Variants in NOS1AP observed in about 807,000 individuals in gnomAD.
NOS1AP encodes carboxyl-terminal PDZ ligand of neuronal nitric oxide synthase protein.
A neutral mutation model predicts 56.2 loss-of-function variants in NOS1AP; 21 were observed. The ratio of observed to expected loss-of-function variants is 0.37; its 90% CI spans 0.26 to 0.54. The LOEUF is 0.54. NOS1AP is among the 20% of genes least tolerant of loss of function. NOS1AP has a pLI of 0.84. For missense variants in NOS1AP, 522 were observed against 657.8 expected, an observed-to-expected ratio of 0.79 and a Z score of 2.26; for synonymous variants, 270 against 274.6, an observed-to-expected ratio of 0.98 and a Z score of 0.17.
chr1:162,295,319 A>T (rs1184555722), intron 3 of NOS1AP, among the ~76,000 whole-genome samples: 3 of 152,052 alleles, frequency 2.0e-5, no homozygotes, highest in Non-Finnish European at 4.4e-5. Flanking sequence ...AGCTACCAAG[A>T]CTCCAAGTCT....
chr1:162,239,127 T>C (rs1653398957), intron 2 of NOS1AP, among the ~76,000 whole-genome samples: 1 of 152,174 alleles, frequency 6.6e-6, no homozygotes, highest in Non-Finnish European at 1.5e-5. Flanking sequence ...CTGTTTTGAG[T>C]AATAGACCAA....
chr1:162,232,544 G>A (rs1192594598), intron 2 of NOS1AP, among the ~76,000 whole-genome samples: 1 of 151,646 alleles, frequency 6.6e-6, no homozygotes, highest in Non-Finnish European at 1.5e-5. Context: ...GTGTGTGTGT[G>A]TGTGTGTGTC....
intron 1 of NOS1AP, among the ~76,000 whole-genome samples, chr1:162,127,400 A>G (rs937636733): frequency 6.6e-6 from 1 of 152,150 alleles, no homozygotes; most frequent in African/African-American, 2.4e-5. Flanking sequence ...CCGTTTTACT[A>G]TTCCATCTGA....
chr1:162,258,585 T>A (rs891998618), intron 2 of NOS1AP, among the ~76,000 whole-genome samples: 2 of 152,208 alleles, frequency 1.3e-5, no homozygotes, highest in Admixed American at 1.3e-4. Flanking sequence ...CAGCTCCAGA[T>A]ATTTCTCTCC....
chr1:162,364,601 T>C (rs1658008765), intron 8 of NOS1AP: 14 of 985,330 alleles, frequency 1.4e-5, no homozygotes, highest in Non-Finnish European at 1.7e-5. Flanking sequence ...TTAAGAAGGT[T>C]GGAAACTGAT....
At chr1:162,190,433 T>G (rs1571113418) in intron 2 of NOS1AP, among the ~76,000 whole-genome samples, 2 of 152,204 alleles carry the variant, frequency 1.3e-5, no homozygotes, top group African/African-American at 4.8e-5. Flanking sequence ...TAGTTACATA[T>G]GTATACATGT....
chr1:162,301,539 G>A (rs1655664074), intron 4 of NOS1AP, among the ~76,000 whole-genome samples: 1 of 152,224 alleles, frequency 6.6e-6, no homozygotes, highest in Admixed American at 6.5e-5. Flanking sequence ...CTTTTACAAG[G>A]AGACTGGTAT....
At chr1:162,214,225 A>T (rs1652467924) in intron 2 of NOS1AP, among the ~76,000 whole-genome samples, 2 of 151,990 alleles carry the variant, frequency 1.3e-5, no homozygotes, top group South Asian at 2.1e-4. Context: ...CCCCTTTAAC[A>T]TTTGTTCCTT....
chr1:162,105,254 A>C (rs1465927490), intron 1 of NOS1AP, among the ~76,000 whole-genome samples: 1 of 152,228 alleles, frequency 6.6e-6, no homozygotes, highest in Non-Finnish European at 1.5e-5. Context: ...TGAAACAGCA[A>C]AGATGGCAGG....
At chr1:162,197,818 G>T (rs1269975508) in intron 2 of NOS1AP, among the ~76,000 whole-genome samples, 1 of 152,246 alleles carries the variant, frequency 6.6e-6, no homozygotes, top group African/African-American at 2.4e-5. Context: ...AGGGTGTGCG[G>T]CAGGGCTACA....
chr1:162,145,260 G>A (rs1396956407), intron 1 of NOS1AP, among the ~76,000 whole-genome samples: 2 of 144,234 alleles, frequency 1.4e-5, no homozygotes, highest in African/African-American at 5.0e-5. Context: ...TGTGAGGGGT[G>A]GGTGGGGGGG....
At chr1:162,154,365 C>T in intron 1 of NOS1AP, 40 bp from the exon 2 acceptor site, 1 of 1,595,046 alleles carries the variant, frequency 6.3e-7, no homozygotes, top group Non-Finnish European at 8.6e-7. Context: ...GGGACACTTG[C>T]TACCCCTCCT....
intron 8 of NOS1AP, 54 bp downstream of exon 8, chr1:162,357,190 C>T: frequency 6.3e-7 from 1 of 1,584,510 alleles, no homozygotes; most frequent in South Asian, 1.1e-5. Flanking sequence ...GGGCTTGATG[C>T]ACCTTCCCTA....
chr1:162,173,332 T>A (rs1446885319), intron 2 of NOS1AP, among the ~76,000 whole-genome samples: 1 of 152,042 alleles, frequency 6.6e-6, no homozygotes, highest in Non-Finnish European at 1.5e-5. Flanking sequence ...GATTCCCTAT[T>A]TAATAAGTGG....
At position 162,251,869 on chromosome 1, in the gene NOS1AP, G is replaced by GTTTTTTTTTT. The variant is rs57313228; in HGVS notation, c.178-35464_178-35455dup. On this transcript the variant is annotated intron_variant, in intron 2 of 9. Transcript: ENST00000361897. ...CACCTAGCTAGTTGTTTTTTTTTTTGTTTTTTTTTTTTTTTTTTTTGTGGA... is the reference window on the plus strand; with the variant it reads ...CACCTAGCTAGTTGTTTTTTTTTTTGTTTTTTTTTTTTTTTTTTTTTTTTTTTTTTGTGGA... Among the ~76,000 whole-genome samples the GTTTTTTTTTT allele has an allele frequency of 5.1e-3, 418 of 82,190 alleles. 2 individuals are homozygous for GTTTTTTTTTT. Among genetic ancestry groups the GTTTTTTTTTT allele is most frequent in the Non-Finnish European group, 6.1e-3 (282 of 46,380 alleles). The allele number at this position is 82,190 out of a possible 152,430, so 53.9% of individuals were successfully genotyped here. A position where few individuals can be genotyped will look rare whatever the true frequency, so the allele number is the denominator to read the frequency against.
intron 4 of NOS1AP, among the ~76,000 whole-genome samples, chr1:162,311,811 C>T (rs1237835216): frequency 2.0e-5 from 3 of 146,502 alleles, no homozygotes; most frequent in Admixed American, 6.9e-5. Context: ...CAATTCCCAC[C>T]TATGAGTGAG....
chr1:162,340,057 G>A (rs1657060028), intron 5 of NOS1AP, among the ~76,000 whole-genome samples: 1 of 152,162 alleles, frequency 6.6e-6, no homozygotes, highest in African/African-American at 2.4e-5. Context: ...AGATAGGAAG[G>A]GCAATTCTTT....
At chr1:162,329,269 T>C (rs1656688213) in intron 4 of NOS1AP, among the ~76,000 whole-genome samples, 1 of 152,092 alleles carries the variant, frequency 6.6e-6, no homozygotes, top group Admixed American at 6.5e-5. Flanking sequence ...GGCTTACACC[T>C]ATAATCCCAG....
At chr1:162,195,198 T>G (rs188903778) in intron 2 of NOS1AP, among the ~76,000 whole-genome samples, 1,862 of 152,268 alleles carry the variant, frequency 0.012, 25 homozygotes, top group Non-Finnish European at 0.019. Context: ...ATAGTAGATA[T>G]TCAATAAATG....
Sources: gnomAD v4.1 joint callset for allele counts (sites outside exome capture counted in the v4.1 genomes callset) on GRCh38, gnomAD v4.1.1 for gene constraint, MANE v1.5 for transcripts, NCBI Gene and HGNC (gene_info 2026-07-23, HGNC 2026-07-21) for gene names.